Variants in CD226 observed in about 807,000 individuals in gnomAD.
CD226 encodes the protein CD226 antigen.
A neutral mutation model predicts 34.9 loss-of-function variants in CD226; 24 were observed. The observed-to-expected ratio is 0.69, with a 90% CI of 0.50 to 0.97. CD226 has a LOEUF of 0.97. Among genes scored for constraint, CD226 ranks in the 50% least tolerant of loss-of-function variants. The pLI, the probability that CD226 is intolerant of heterozygous loss-of-function variation, is 0.00. For missense variants in CD226, 397 were observed against 412.7 expected, an observed-to-expected ratio of 0.96 and a Z score of 0.33; for synonymous variants, 148 against 147.4, an observed-to-expected ratio of 1.00 and a Z score of -0.03.
intron 2 of CD226, among the ~76,000 whole-genome samples, chr18:69,924,140 C>T (rs545554096): frequency 2.6e-5 from 4 of 151,820 alleles, no homozygotes; most frequent in East Asian, 3.9e-4. Flanking sequence ...ACCGAGCCAA[C>T]GTCATAGAAG....
At chr18:69,926,343 T>C (rs529703727) in intron 2 of CD226, among the ~76,000 whole-genome samples, 51 of 152,204 alleles carry the variant, frequency 3.4e-4, no homozygotes, top group Admixed American at 9.2e-4. Context: ...GCCCTTTCTT[T>C]GGCTAACTCC....
At chr18:69,939,076 ACT>A (rs1433113360) in intron 2 of CD226, among the ~76,000 whole-genome samples, 1 of 152,200 alleles carries the variant, frequency 6.6e-6, no homozygotes, top group African/African-American at 2.4e-5. Flanking sequence ...ACAGAGTGAG[ACT>A]CTGTCTCAAA....
chr18:69,925,871 A>C (rs551930152), intron 2 of CD226, among the ~76,000 whole-genome samples: 1 of 152,178 alleles, frequency 6.6e-6, no homozygotes, highest in Non-Finnish European at 1.5e-5. Flanking sequence ...GGCTGGAAAC[A>C]GTGGATCCTG....
chr18:69,936,341 C>T (rs533550932), intron 2 of CD226, among the ~76,000 whole-genome samples: 48 of 152,222 alleles, frequency 3.2e-4, no homozygotes, highest in Admixed American at 2.8e-3. Context: ...AGGGAAAGCA[C>T]GTGGATAAAA....
chr18:69,940,254 A>G (rs935645573), intron 2 of CD226, among the ~76,000 whole-genome samples: 2 of 152,234 alleles, frequency 1.3e-5, no homozygotes, highest in Non-Finnish European at 2.9e-5. Flanking sequence ...TCTTTCCTTT[A>G]TAAATTACCC....
rs1297159293 is a variant in CD226 at position 69,860,990 on chromosome 18, G to A, written c.*3324C>T. On this transcript the variant is annotated 3_prime_UTR_variant, in exon 6 of 6. Coordinates refer to ENST00000582621, the MANE Select transcript of CD226 (RefSeq NM_001303618.2). ...TCACAGTGATCTCTAATTACAATGTGGACTCTCTCAATTTAGAAAACTACT... is the reference window on the plus strand; with the variant it reads ...TCACAGTGATCTCTAATTACAATGTAGACTCTCTCAATTTAGAAAACTACT... The A allele has an allele frequency of 1.3e-5, 2 of 151,800 alleles. No homozygotes were observed. Among genetic ancestry groups the A allele is most frequent in the African/African-American group, 4.8e-5 (2 of 41,354 alleles). 9.4% of individuals were successfully genotyped at this position (151,800 alleles called of 1,614,324 possible). A position where few individuals can be genotyped will look rare whatever the true frequency, so the allele number is the denominator to read the frequency against.
intron 2 of CD226, among the ~76,000 whole-genome samples, chr18:69,920,386 T>A (rs2055436682): frequency 6.6e-6 from 1 of 152,200 alleles, no homozygotes; most frequent in Non-Finnish European, 1.5e-5. Flanking sequence ...AAATGTCCAT[T>A]TATATACAAG....
chr18:69,867,639 C>T (rs1398903534), intron 4 of CD226, among the ~76,000 whole-genome samples: 2 of 152,084 alleles, frequency 1.3e-5, no homozygotes, highest in African/African-American at 4.8e-5. Context: ...GATATCTAAC[C>T]ACTGTGCATT....
At chr18:69,886,610 G>A (rs1318522648) in intron 3 of CD226, among the ~76,000 whole-genome samples, 1 of 151,980 alleles carries the variant, frequency 6.6e-6, no homozygotes, top group East Asian at 1.9e-4. Context: ...GGAGGCTGAG[G>A]CAGAAGAATC....
rs1982593453 is a variant in CD226, at chr18:69,855,749, AAAAG to A, written c.*8561_*8564del. 6.6e-6 allele frequency: 1 copy of A among 152,214 alleles called. No homozygotes were observed. The highest frequency in any genetic ancestry group is 6.5e-5 in the Admixed American group (1 of 15,286). The allele number at this position is 152,214 out of a possible 1,614,324, so 9.4% of individuals were successfully genotyped here. ...AGAGAACACAGAAAAAGGAGGATAA[AAAAG>A]AAAGAACGAGTGCAAGGATAGAAAA... On this transcript the variant is annotated 3_prime_UTR_variant, in exon 6 of 6. Coordinates refer to ENST00000582621, the MANE Select transcript of CD226 (RefSeq NM_001303618.2).
At position 69,908,638 on chromosome 18, in the gene CD226, T is replaced by G. The variant is rs555607791; in HGVS notation, c.383-12593A>C. 3.3e-5 allele frequency among the ~76,000 whole-genome samples: 5 copies of G among 151,802 alleles called. No individual in the cohort carries two copies. The South Asian group carries it at 1.0e-3, about 32-fold the overall frequency. On this transcript the variant is annotated intron_variant, in intron 2 of 5. Coordinates refer to ENST00000582621, the MANE Select transcript of CD226 (RefSeq NM_001303618.2). ...AGCCCCTTTTCCCTCCAATTCATAT[T>G]GCATCAAAGACTATATAACTAACAT...
intron 2 of CD226, among the ~76,000 whole-genome samples, chr18:69,913,578 A>G (rs890991977): frequency 1.3e-5 from 2 of 152,260 alleles, no homozygotes; most frequent in Non-Finnish European, 2.9e-5. Context: ...ATCATCTTAG[A>G]GCAAACTCAG....
chr18:69,903,797 C>G (rs1427722573), intron 2 of CD226, among the ~76,000 whole-genome samples: 1 of 152,162 alleles, frequency 6.6e-6, no homozygotes, highest in Non-Finnish European at 1.5e-5. Context: ...AGGGAACCAA[C>G]CCTGCTGATA....
At chr18:69,940,707 A>G (rs2055713510) in intron 2 of CD226, among the ~76,000 whole-genome samples, 1 of 152,230 alleles carries the variant, frequency 6.6e-6, no homozygotes, top group Non-Finnish European at 1.5e-5. Flanking sequence ...AAGAGGAAGC[A>G]GAGCATAAAA....
At chr18:69,909,152 T>G (rs1374066202) in intron 2 of CD226, among the ~76,000 whole-genome samples, 1 of 152,216 alleles carries the variant, frequency 6.6e-6, no homozygotes, top group African/African-American at 2.4e-5. Context: ...TTAAAGACAT[T>G]GTACCTTCAG....
chr18:69,896,381 C>T (rs775428684), intron 2 of CD226, among the ~76,000 whole-genome samples: 7 of 152,124 alleles, frequency 4.6e-5, no homozygotes, highest in African/African-American at 7.2e-5. Context: ...CGGGCTTTCA[C>T]CGTGTTAGCC....
chr18:69,946,885 C>T lies in CD226; in HGVS notation c.231G>A (p.Glu77=). 1 of 1,614,146 alleles carries T rather than the reference C, an allele frequency of 6.2e-7. No homozygotes were observed. Among genetic ancestry groups the T allele is most frequent in the Non-Finnish European group, 8.5e-7 (1 of 1,180,026 alleles). ...HGMVIRKPYA[E]RVYFLNSTMA... ...TCGTTGAATTCAAAAAGTAAACCCT[C>T]TCAGCATAGGGCTTCCTTATGACCA... The change falls in exon 2 of 6, where the codon GAG becomes GAA. Residue 77 remains glutamate, a synonymous_variant. Coordinates refer to ENST00000582621, the MANE Select transcript of CD226 (RefSeq NM_001303618.2).
intron 2 of CD226, among the ~76,000 whole-genome samples, chr18:69,916,335 C>T (rs1411347277): frequency 1.3e-5 from 2 of 152,062 alleles, no homozygotes; most frequent in Non-Finnish European, 2.9e-5. Context: ...ATGCTCTAGT[C>T]CTAAAGAATA....
intron 2 of CD226, among the ~76,000 whole-genome samples, chr18:69,921,874 GTTTT>G (rs1024806820): frequency 6.6e-6 from 1 of 152,020 alleles, no homozygotes; most frequent in Non-Finnish European, 1.5e-5. Flanking sequence ...GATTTTATGG[GTTTT>G]TTTAATTTGA....
Sources: gnomAD v4.1 joint callset for allele counts (sites outside exome capture counted in the v4.1 genomes callset) on GRCh38, gnomAD v4.1.1 for gene constraint, MANE v1.5 for transcripts, NCBI Gene and HGNC (gene_info 2026-07-23, HGNC 2026-07-21) for gene names.